Variants in AGPS observed in about 807,000 individuals in gnomAD.
AGPS encodes the protein alkyldihydroxyacetonephosphate synthase, peroxisomal.
AGPS carries 26 observed loss-of-function variants against 90.7 expected under a neutral mutation model. That is an observed-to-expected ratio of 0.29 (90% CI 0.21 to 0.40). The LOEUF is 0.40. Ranked by LOEUF, AGPS falls within the 10% of genes least tolerant of loss-of-function variation. The pLI is 1.00. For synonymous variants in AGPS, 294 were observed against 285.3 expected (o/e 1.03, Z -0.31); for missense variants, 540 against 816.1 (o/e 0.66, Z 4.12).
chr2:177,416,303 G>A (rs1457766523), intron 1 of AGPS, among the ~76,000 whole-genome samples: 5 of 152,086 alleles, frequency 3.3e-5, no homozygotes, highest in African/African-American at 1.2e-4. Context: ...CCTGAAAAAT[G>A]CAAAATGCTG....
chr2:177,523,389 A>G (rs1007991841), intron 18 of AGPS, among the ~76,000 whole-genome samples: 2 of 152,182 alleles, frequency 1.3e-5, no homozygotes, highest in Admixed American at 6.5e-5. Context: ...AATTTTAGTC[A>G]CTTTGTTGGT....
At chr2:177,395,422 C>T (rs1685146081) in intron 1 of AGPS, among the ~76,000 whole-genome samples, 1 of 152,166 alleles carries the variant, frequency 6.6e-6, no homozygotes, top group Admixed American at 6.5e-5. Context: ...CGGGGTTAGA[C>T]GACTAGTGGT....
chr2:177,399,529 C>T (rs573780992), intron 1 of AGPS, among the ~76,000 whole-genome samples: 31 of 152,196 alleles, frequency 2.0e-4, no homozygotes, highest in Admixed American at 5.2e-4. Flanking sequence ...GGTTGGAGAT[C>T]GTGGCTTAGA....
chr2:177,479,698 C>T (rs932755507), intron 10 of AGPS, among the ~76,000 whole-genome samples: 3 of 152,172 alleles, frequency 2.0e-5, no homozygotes, highest in Non-Finnish European at 4.4e-5. Context: ...ATTCCTTTTA[C>T]ATGAAATGTC....
At chr2:177,481,487 AC>A (rs1309918076) in intron 10 of AGPS, among the ~76,000 whole-genome samples, 5 of 151,558 alleles carry the variant, frequency 3.3e-5, no homozygotes, top group African/African-American at 1.2e-4. Context: ...ATTTATAATG[AC>A]TACTTTGTCT....
At chr2:177,519,648 T>A (rs1689123248) in intron 17 of AGPS, among the ~76,000 whole-genome samples, 1 of 152,210 alleles carries the variant, frequency 6.6e-6, no homozygotes, top group Admixed American at 6.6e-5. Context: ...CTGCAGTGAT[T>A]TGCTTTTTTT....
Position 177,442,397 on chromosome 2 carries a change from A to C in AGPS, c.710-10A>C, listed in dbSNP as rs1490265815. On this transcript the variant is annotated splice_polypyrimidine_tract_variant and intron_variant, in intron 6 of 19. Transcript: ENST00000264167. ...TTAAACATAAAAGTTGTTGTTTCCT[A>C]TTTTGGCAGGAGGAACAAGTGTTTC... 3.7e-6 allele frequency: 6 copies of C among 1,608,314 alleles called. No individual in the cohort carries two copies. Among genetic ancestry groups the C allele is most frequent in the Non-Finnish European group, 5.1e-6 (6 of 1,174,718 alleles).
intron 14 of AGPS, among the ~76,000 whole-genome samples, chr2:177,500,246 C>G (rs1158296404): frequency 2.0e-5 from 3 of 151,964 alleles, no homozygotes; most frequent in Non-Finnish European, 4.4e-5. Flanking sequence ...CTATAACCAA[C>G]TGAATAATGG....
At chr2:177,453,882 T>TCTC (rs1305568323) in intron 8 of AGPS, among the ~76,000 whole-genome samples, 1 of 146,354 alleles carries the variant, frequency 6.8e-6, no homozygotes, top group African/African-American at 2.5e-5. Context: ...AGACGGGGTT[T>TCTC]CTCCATGTTG....
chr2:177,455,418 G>A (rs887840833), intron 8 of AGPS, among the ~76,000 whole-genome samples: 3 of 151,838 alleles, frequency 2.0e-5, no homozygotes, highest in South Asian at 2.1e-4. Context: ...TAGGATCACC[G>A]TCCTTCCTGA....
intron 2 of AGPS, among the ~76,000 whole-genome samples, chr2:177,431,065 C>T (rs866581008): frequency 6.6e-6 from 1 of 152,100 alleles, no homozygotes; most frequent in Non-Finnish European, 1.5e-5. Flanking sequence ...GAACCCACCC[C>T]CAGTATTTCA....
chr2:177,457,473 A>T (rs1011131286), intron 8 of AGPS, among the ~76,000 whole-genome samples: 3 of 152,242 alleles, frequency 2.0e-5, no homozygotes, highest in Non-Finnish European at 4.4e-5. Context: ...AGAATCAAAT[A>T]GATGCAATAA....
intron 5 of AGPS, among the ~76,000 whole-genome samples, chr2:177,437,986 A>G (rs946331142): frequency 2.0e-5 from 3 of 152,196 alleles, no homozygotes; most frequent in East Asian, 1.9e-4. Context: ...TTTCATCTCT[A>G]TTAGTTTAGT....
intron 8 of AGPS, among the ~76,000 whole-genome samples, chr2:177,447,880 C>T (rs561649850): frequency 6.6e-6 from 1 of 152,070 alleles, no homozygotes; most frequent in Non-Finnish European, 1.5e-5. Context: ...TTTCTTTCTG[C>T]AAGCTTAAAA....
In AGPS at chr2:177,497,681, C is replaced by T; in HGVS notation, c.1286-8C>T. ...AACCTATTAATATAAACTTTTTTCT[C>T]TTCTTAGGTCATGCTCTTAAACCTC... On this transcript the variant is annotated splice_polypyrimidine_tract_variant and splice_region_variant and intron_variant, in intron 12 of 19. Coordinates refer to ENST00000264167, the MANE Select transcript of AGPS (RefSeq NM_003659.4). The T allele has an allele frequency of 1.3e-6, 2 of 1,533,066 alleles. No homozygotes were observed. The highest frequency in any genetic ancestry group is 1.8e-5 in the Admixed American group (1 of 55,398). The allele number at this position is 1,533,066 out of a possible 1,614,324, so 95.0% of individuals were successfully genotyped here. A position where few individuals can be genotyped will look rare whatever the true frequency, so the allele number is the denominator to read the frequency against.
chr2:177,421,126 A>G (rs1453623328), intron 2 of AGPS, among the ~76,000 whole-genome samples: 1 of 152,058 alleles, frequency 6.6e-6, no homozygotes, highest in Admixed American at 6.6e-5. Flanking sequence ...TTTAAGCAAT[A>G]CTGCCTTTGC....
At chr2:177,445,233 C>T (rs1268215862) in intron 7 of AGPS, among the ~76,000 whole-genome samples, 6 of 152,108 alleles carry the variant, frequency 3.9e-5, no homozygotes, top group African/African-American at 1.4e-4. Flanking sequence ...TTACATTTTA[C>T]AAATGAGGAA....
rs2079218362 is a variant in AGPS, at chr2:177,540,007, T to TAAGG, written c.*1813_*1816dup. The TAAGG allele has an allele frequency of 6.8e-6, 1 of 147,428 alleles. No homozygotes were observed. 9.1% of individuals were successfully genotyped at this position (147,428 alleles called of 1,614,324 possible). ...TTAATTGGTGATCAAAATATAAAAT[T>TAAGG]AAGGTACTAATGTCTCACTGGAAGT... is the stretch of plus-strand genomic sequence containing the variant. On this transcript the variant is annotated 3_prime_UTR_variant, in exon 20 of 20. Coordinates refer to ENST00000264167, the MANE Select transcript of AGPS (RefSeq NM_003659.4).
chr2:177,520,808 A>G (rs1347885333), intron 17 of AGPS, among the ~76,000 whole-genome samples: 1 of 152,192 alleles, frequency 6.6e-6, no homozygotes, highest in African/African-American at 2.4e-5. Context: ...AATTTAAAAC[A>G]ATGAATACTC....
Sources: allele counts gnomAD v4.1 joint callset (sites outside exome capture counted in the v4.1 genomes callset), GRCh38; gene constraint gnomAD v4.1.1; transcripts MANE v1.5; gene names NCBI Gene and HGNC (gene_info 2026-07-23, HGNC 2026-07-21).